Variants in STK3 observed in about 807,000 individuals in gnomAD.
STK3 encodes serine/threonine-protein kinase 3.
In STK3, 41 loss-of-function variants were observed where a neutral mutation model predicts 58.0. The ratio of observed to expected loss-of-function variants is 0.71; its 90% CI spans 0.55 to 0.92. The LOEUF is 0.92. Ranked by LOEUF, STK3 falls within the 40% of genes least tolerant of loss-of-function variation. STK3 has a pLI of 0.00. For synonymous variants in STK3, 170 were observed against 191.0 expected (o/e 0.89, Z 0.91); for missense variants, 479 against 602.7 (o/e 0.79, Z 2.15).
At chr8:98,546,066 A>G (rs1436946041) in intron 9 of STK3, among the ~76,000 whole-genome samples, 5 of 152,146 alleles carry the variant, frequency 3.3e-5, no homozygotes, top group Non-Finnish European at 5.9e-5. Flanking sequence ...AAAAACACAG[A>G]AAGTTGGCTC....
At chr8:98,675,732 G>A (rs868606879) in intron 6 of STK3, among the ~76,000 whole-genome samples, 2 of 151,922 alleles carry the variant, frequency 1.3e-5, no homozygotes, top group African/African-American at 2.4e-5. Context: ...ACGTGGTGGC[G>A]GGCAGCCTGT....
At position 98,548,010 on chromosome 8, in the gene STK3, A is replaced by C; in HGVS notation, c.1100T>G (p.Ile367Arg). The C allele has an allele frequency of 6.2e-7, 1 of 1,608,334 alleles. No homozygotes were observed. The highest frequency in any genetic ancestry group is 8.5e-7 in the Non-Finnish European group (1 of 1,177,574). Residue 367 changes from isoleucine to arginine, a missense_variant, in exon 9 of 11, where the codon ATA becomes AGA. Ile to Arg is a moderately conservative substitution (Grantham distance 97). Around this residue, in one of 3 missense-constraint regions of STK3, gnomAD observed 309 missense variants for 355.7 expected, o/e 0.87. Transcript: ENST00000419617. Reference protein sequence around the residue: ...MLESDLGTMVINSEDEEEEDG... With the variant: ...MLESDLGTMVRNSEDEEEEDG... ...TTCTTCTTCCTCATCCTCACTGTTTATCACCATGGTCCCCAAGTCGGATTC... is the reference window on the plus strand; with the variant it reads ...TTCTTCTTCCTCATCCTCACTGTTTCTCACCATGGTCCCCAAGTCGGATTC...
intron 6 of STK3, among the ~76,000 whole-genome samples, chr8:98,611,216 CA>C (rs1817167069): frequency 6.6e-6 from 1 of 151,636 alleles, no homozygotes; most frequent in South Asian, 2.1e-4. Context: ...ATGCCCAGTA[CA>C]AATCAATTTC....
chr8:98,455,726 T>C lies in STK3; in HGVS notation c.*116A>G. 1 of 1,305,222 alleles carries C rather than the reference T, an allele frequency of 7.7e-7. No individual in the cohort carries two copies. Among genetic ancestry groups the C allele is most frequent in the Non-Finnish European group, 1.1e-6 (1 of 950,916 alleles). 80.9% of individuals were successfully genotyped at this position (1,305,222 alleles called of 1,614,324 possible). ...CCTGGGCATGTACCATTGTCACTTTTTGACCTCTGCCTAATTGTAGGGCAA... is the reference window on the plus strand; with the variant it reads ...CCTGGGCATGTACCATTGTCACTTTCTGACCTCTGCCTAATTGTAGGGCAA... On this transcript the variant is annotated 3_prime_UTR_variant, in exon 11 of 11. Transcript: ENST00000419617.
At chr8:98,569,327 C>T (rs761750005) in intron 8 of STK3, among the ~76,000 whole-genome samples, 12 of 151,796 alleles carry the variant, frequency 7.9e-5, no homozygotes, top group Non-Finnish European at 1.3e-4. Flanking sequence ...AGACAGAAGA[C>T]AGCATCAGGG....
intron 6 of STK3, among the ~76,000 whole-genome samples, chr8:98,623,612 C>T (rs977854005): frequency 2.6e-5 from 4 of 152,102 alleles, no homozygotes; most frequent in Non-Finnish European, 4.4e-5. Context: ...AGCGACAGCC[C>T]GTCTCTACAA....
chr8:98,770,437 G>C (rs2131463440), intron 2 of STK3, among the ~76,000 whole-genome samples: 1 of 152,320 alleles, frequency 6.6e-6, no homozygotes, highest in East Asian at 1.9e-4. Flanking sequence ...GAAATGTACT[G>C]ATATGGATGC....
chr8:98,410,065 A>G (rs544239974), intron 3 of STK3, among the ~76,000 whole-genome samples: 1 of 152,258 alleles, frequency 6.6e-6, no homozygotes, highest in Admixed American at 6.5e-5. Flanking sequence ...GGGCTGTTAG[A>G]AAAGGGGAAA....
chr8:98,412,419 T>G (rs1818067481), intron 3 of STK3, among the ~76,000 whole-genome samples: 1 of 152,182 alleles, frequency 6.6e-6, no homozygotes, highest in African/African-American at 2.4e-5. Context: ...GCTCAAAGCC[T>G]TTTTCTCTGG....
chr8:98,478,897 G>A (rs1586662244), intron 10 of STK3, among the ~76,000 whole-genome samples: 1 of 152,088 alleles, frequency 6.6e-6, no homozygotes, highest in South Asian at 2.1e-4. Flanking sequence ...CTATATTTAC[G>A]AGCTTCTGTC....
intron 3 of STK3, among the ~76,000 whole-genome samples, chr8:98,761,076 T>G (rs1232270690): frequency 2.6e-5 from 4 of 151,428 alleles, no homozygotes; most frequent in African/African-American, 9.7e-5. Context: ...TATAATTAAA[T>G]AAAGAAAATG....
At chr8:98,697,292 T>C (rs1403395181) in intron 6 of STK3, among the ~76,000 whole-genome samples, 1 of 152,210 alleles carries the variant, frequency 6.6e-6, no homozygotes, top group Non-Finnish European at 1.5e-5. Context: ...ATTTTGTTGA[T>C]CCTTTCAGAA....
chr8:98,731,265 G>A (rs1828179883), intron 4 of STK3, among the ~76,000 whole-genome samples: 1 of 152,132 alleles, frequency 6.6e-6, no homozygotes, highest in South Asian at 2.1e-4. Context: ...GAGAGCAAGA[G>A]GGAAAGGGAG....
At chr8:98,570,929 A>G (rs1166993941) in intron 8 of STK3, among the ~76,000 whole-genome samples, 1 of 152,224 alleles carries the variant, frequency 6.6e-6, no homozygotes, top group African/African-American at 2.4e-5. Context: ...CTATTTTTAG[A>G]TAATGCAACC....
At chr8:98,702,613 A>G (rs186813688) in intron 6 of STK3, among the ~76,000 whole-genome samples, 28 of 152,356 alleles carry the variant, frequency 1.8e-4, no homozygotes, top group Admixed American at 1.6e-3. Flanking sequence ...TAAAAGGCTG[A>G]GAAAATGACT....
chr8:98,653,166 G>A (rs1821113896), intron 6 of STK3, among the ~76,000 whole-genome samples: 3 of 152,138 alleles, frequency 2.0e-5, no homozygotes, highest in African/African-American at 7.2e-5. Context: ...CTAGAACTCA[G>A]GATTAAGACA....
intron 4 of STK3, among the ~76,000 whole-genome samples, chr8:98,714,752 T>C (rs75902959): frequency 0.034 from 5,167 of 152,256 alleles, 139 homozygotes; most frequent in Non-Finnish European, 0.055. Flanking sequence ...AAGCTACCAA[T>C]GACTTTCTTC....
chr8:98,360,078 G>A, the STK3 span, among the ~76,000 whole-genome samples: 2 of 152,194 alleles, frequency 1.3e-5, no homozygotes, highest in East Asian at 1.9e-4. Context: ...GGGACATATG[G>A]TCTCTTCTGT....
At chr8:98,876,187 C>A (rs1470282877) in intron 3 of STK3, among the ~76,000 whole-genome samples, 2 of 152,170 alleles carry the variant, frequency 1.3e-5, no homozygotes, top group East Asian at 1.9e-4. Flanking sequence ...CCTTTGGGGT[C>A]CCTCTACTTC....
Sources: allele counts gnomAD v4.1 joint callset (sites outside exome capture counted in the v4.1 genomes callset), GRCh38; gene constraint gnomAD v4.1.1; regional missense constraint gnomAD v4.1.1; transcripts MANE v1.5; gene names NCBI Gene and HGNC (gene_info 2026-07-23, HGNC 2026-07-21).